The following CRY2 variants were observed in gnomAD, a reference collection of about 807,000 sequenced individuals.
The protein encoded by CRY2 is cryptochrome circadian regulator 2.
A neutral mutation model predicts 69.5 loss-of-function variants in CRY2; 31 were observed. The observed-to-expected ratio is 0.45, with a 90% CI of 0.34 to 0.60. The LOEUF is 0.60. Among genes scored for constraint, CRY2 ranks in the 20% least tolerant of loss-of-function variants. The pLI, the probability that CRY2 is intolerant of heterozygous loss-of-function variation, is 0.02. For missense variants in CRY2, 606 were observed against 797.8 expected, an observed-to-expected ratio of 0.76 and a Z score of 2.90; for synonymous variants, 303 against 312.2, an observed-to-expected ratio of 0.97 and a Z score of 0.31.
chr11:45,871,867 A>G (rs1408438358), intron 10 of CRY2, among the ~76,000 whole-genome samples: 1 of 152,224 alleles, frequency 6.6e-6, no homozygotes, highest in Non-Finnish European at 1.5e-5. Context: ...TGGGGCCCAA[A>G]AGCTGGTCCT....
chr11:45,868,024 T>G, intron 6 of CRY2: 1 of 421,090 alleles, frequency 2.4e-6, no homozygotes. Context: ...GGTGTGACCC[T>G]AGAGGTGGCA....
rs76939130 is a variant in CRY2, at chr11:45,874,604, G to A, written c.*2+2371G>A. 9.0e-3 allele frequency among the ~76,000 whole-genome samples: 1,371 copies of A among 152,282 alleles called. 19 individuals are homozygous for A. The highest frequency in any genetic ancestry group is 0.031 in the African/African-American group (1,296 of 41,556). ...TGGCAATATCACTTCCCCCTTGGGTGCATATTAGTGGAAGGAGACAGACAG... is the reference window on the plus strand; with the variant it reads ...TGGCAATATCACTTCCCCCTTGGGTACATATTAGTGGAAGGAGACAGACAG... On this transcript the variant is annotated intron_variant, in intron 11 of 11. Coordinates refer to ENST00000616080, the MANE Select transcript of CRY2 (RefSeq NM_021117.5).
chr11:45,852,685 G>T (rs1216841333), intron 1 of CRY2, among the ~76,000 whole-genome samples: 1 of 152,224 alleles, frequency 6.6e-6, no homozygotes, highest in Non-Finnish European at 1.5e-5. Flanking sequence ...CAGAAATATG[G>T]ATGCTCAAGA....
chr11:45,856,383 T>A, intron 2 of CRY2: 1 of 316,620 alleles, frequency 3.2e-6, no homozygotes, highest in Non-Finnish European at 5.8e-6. Flanking sequence ...TCCTTCAATG[T>A]TTTCTTGGCT....
intron 10 of CRY2, 123 bp from the exon 11 acceptor site, chr11:45,871,969 C>G: frequency 5.2e-6 from 7 of 1,356,948 alleles, no homozygotes; most frequent in Non-Finnish European, 7.1e-6. Flanking sequence ...GTCTGAGGAG[C>G]AGCATGCTGG....
In CRY2 at chr11:45,880,024, A is replaced by T. The variant is rs12285224; in HGVS notation, c.*3-890A>T. The stretch of plus-strand genomic sequence containing the variant: ...ATTTAACTTAATTACCTCTTTAAAG[A>T]CCCTGTCTCCAAATACAGTCACCTT... On this transcript the variant is annotated intron_variant, in intron 11 of 11. Coordinates refer to ENST00000616080, the MANE Select transcript of CRY2 (RefSeq NM_021117.5). Among the ~76,000 whole-genome samples, 192 of 152,188 alleles carry T rather than the reference A, an allele frequency of 1.3e-3. 3 individuals are homozygous for T. Among genetic ancestry groups the T allele is most frequent in the African/African-American group, 4.5e-3 (186 of 41,498 alleles).
intron 3 of CRY2, among the ~76,000 whole-genome samples, chr11:45,859,935 G>C (rs1339274190): frequency 6.6e-6 from 1 of 152,102 alleles, no homozygotes; most frequent in African/African-American, 2.4e-5. Context: ...TCCTCCTCCT[G>C]CTGCGTGCCA....
intron 5 of CRY2, among the ~76,000 whole-genome samples, chr11:45,866,285 A>G (rs940618550): frequency 6.6e-6 from 1 of 152,170 alleles, no homozygotes; most frequent in Non-Finnish European, 1.5e-5. Flanking sequence ...TTGTCTGCAA[A>G]GGGGTGGAAC....
chr11:45,875,076 G>A (rs1392971892), intron 11 of CRY2, among the ~76,000 whole-genome samples: 3 of 152,232 alleles, frequency 2.0e-5, no homozygotes, highest in Admixed American at 6.5e-5. Flanking sequence ...ACCATACTTG[G>A]AGAATCACTG....
chr11:45,854,333 G>A (rs1337964638), intron 1 of CRY2, among the ~76,000 whole-genome samples: 1 of 152,194 alleles, frequency 6.6e-6, no homozygotes, highest in Non-Finnish European at 1.5e-5. Context: ...AAACTCCTGA[G>A]GGCCTGCAGA....
In CRY2 at chr11:45,872,205, C is replaced by T. The variant is rs1261950594; in HGVS notation, c.1756C>T (p.Pro586Ser). The change falls in exon 11 of 12, where the codon CCA (proline) becomes TCA (serine). Residue 586 changes from proline (P) to serine (S), a missense_variant. Around this residue, in one of 5 missense-constraint regions of CRY2, gnomAD observed 173 missense variants for 213.7 expected, o/e 0.81. Transcript: ENST00000616080. ...KRARVAELPTPELPSKDA is the reference protein window; with the variant it reads ...KRARVAELPTSELPSKDA ...GGCCCGGGTGGCAGAGTTGCCAACC[C>T]CAGAGCTGCCGAGCAAGGATGCCTG... 9 of 1,613,948 alleles carry T rather than the reference C, an allele frequency of 5.6e-6. No homozygotes were observed. The highest frequency in any genetic ancestry group is 1.7e-5 in the Admixed American group (1 of 59,990).
Position 45,870,889 on chromosome 11 carries a change from G to A in CRY2, c.1597G>A (p.Val533Met), listed in dbSNP as rs747876357. Residue 533 changes from valine to methionine, a missense_variant, in exon 10 of 12, where the codon GTG (valine) becomes ATG (methionine). By Grantham distance (21) the Val-to-Met change is conservative. This residue lies in a region of CRY2 where 173 missense variants were observed against 213.7 expected (regional missense o/e 0.81). Coordinates refer to ENST00000616080, the MANE Select transcript of CRY2 (RefSeq NM_021117.5). The stretch of plus-strand genomic sequence containing the variant: ...CTGTGTGGAAGACCTCAGTCACCCT[G>A]TGGCAGAGCCCAGCTCGAGCCAGGC... ...PSCVEDLSHP[V>M]AEPSSSQAGS... 9.3e-6 allele frequency: 15 copies of A among 1,613,312 alleles called. No individual in the cohort carries two copies. Among genetic ancestry groups the A allele is most frequent in the Non-Finnish European group, 1.3e-5 (15 of 1,180,022 alleles).
rs189739558 is a variant in CRY2 at position 45,855,461 on chromosome 11, A to G, written c.216-521A>G. ...AGAGGACCTTAATGCTTCATACCACAGTATTGCACTGGCTTTTCAGATGGC... is the reference window on the plus strand; with the variant it reads ...AGAGGACCTTAATGCTTCATACCACGGTATTGCACTGGCTTTTCAGATGGC... On this transcript the variant is annotated intron_variant, in intron 1 of 11. Coordinates refer to ENST00000616080, the MANE Select transcript of CRY2 (RefSeq NM_021117.5). Among the ~76,000 whole-genome samples, 338 of 152,300 alleles carry G rather than the reference A, an allele frequency of 2.2e-3. 4 individuals are homozygous for G. The highest frequency in any genetic ancestry group is 0.01 in the Middle Eastern group (3 of 294).
At chr11:45,874,868 G>A (rs1042760568) in intron 11 of CRY2, among the ~76,000 whole-genome samples, 9 of 152,120 alleles carry the variant, frequency 5.9e-5, no homozygotes, top group African/African-American at 1.2e-4. Flanking sequence ...ACTTGAACCC[G>A]GGAGGCAGAG....
chr11:45,855,933 G>A (rs918231009), intron 1 of CRY2, 49 bp from the exon 2 acceptor site: 1 of 1,458,176 alleles, frequency 6.9e-7, no homozygotes, highest in African/African-American at 1.4e-5. Flanking sequence ...AGGAAAGAGA[G>A]CCACTCTTCA....
intron 1 of CRY2, among the ~76,000 whole-genome samples, chr11:45,850,749 A>G (rs1043796621): frequency 5.3e-5 from 8 of 152,168 alleles, no homozygotes; most frequent in Non-Finnish European, 7.3e-5. Flanking sequence ...GTCTCTGAGA[A>G]GCCTCCCTGG....
chr11:45,872,748 G>A (rs974584280), intron 11 of CRY2, among the ~76,000 whole-genome samples: 2 of 152,136 alleles, frequency 1.3e-5, no homozygotes, highest in Non-Finnish European at 2.9e-5. Context: ...CTGAGGGGTG[G>A]CGCTTTCTAC....
At chr11:45,872,011 T>G (rs2086387208) in intron 10 of CRY2, 81 bp from the exon 11 acceptor site, 7 of 1,562,496 alleles carry the variant, frequency 4.5e-6, no homozygotes, top group Non-Finnish European at 6.1e-6. Flanking sequence ...CCCTGTCCCC[T>G]AAAGAGCTGC....
chr11:45,874,202 C>T (rs1036527169), intron 11 of CRY2, among the ~76,000 whole-genome samples: 17 of 152,016 alleles, frequency 1.1e-4, no homozygotes, highest in African/African-American at 3.9e-4. Context: ...ATCACTTGAA[C>T]CCGGGAGGCA....
Sources: allele counts gnomAD v4.1 joint callset (sites outside exome capture counted in the v4.1 genomes callset), GRCh38; gene constraint gnomAD v4.1.1; regional missense constraint gnomAD v4.1.1; transcripts MANE v1.5; gene names NCBI Gene and HGNC (gene_info 2026-07-23, HGNC 2026-07-21).